The following SBF2 variants were observed in gnomAD, a reference collection of about 807,000 sequenced individuals.
The protein encoded by SBF2 is SET binding factor 2, also known as myotubularin-related protein 13.
SBF2 carries 112 observed loss-of-function variants against 225.2 expected under a neutral mutation model. That is an observed-to-expected ratio of 0.50 (90% CI 0.43 to 0.58). SBF2 has a LOEUF of 0.58. Ranked by LOEUF, SBF2 falls within the 20% of genes least tolerant of loss-of-function variation. SBF2 has a pLI of 0.00. For synonymous variants in SBF2, 763 were observed against 773.3 expected (o/e 0.99, Z 0.22); for missense variants, 1,996 against 2,206.2 (o/e 0.90, Z 1.91).
At chr11:10,265,503 GAGA>G (rs1961897070) in intron 1 of SBF2, among the ~76,000 whole-genome samples, 1 of 72,844 alleles carries the variant, frequency 1.4e-5, no homozygotes, top group African/African-American at 5.1e-5. Context: ...CGGGGGGGGG[GAGA>G]GGTGGGGGGG....
intron 2 of SBF2, among the ~76,000 whole-genome samples, chr11:10,099,719 T>A (rs1175428393): frequency 1.3e-5 from 2 of 152,064 alleles, no homozygotes; most frequent in Non-Finnish European, 2.9e-5. Context: ...GTGGGGGGAA[T>A]AAAAGTGCAG....
At chr11:9,784,532 A>G (rs561989410) in intron 37 of SBF2, 94 bp from the exon 38 acceptor site, 4 of 974,364 alleles carry the variant, frequency 4.1e-6, no homozygotes, top group Non-Finnish European at 6.5e-6. Flanking sequence ...TCAAGTCTCT[A>G]TTTCCCCTAG....
At chr11:9,941,352 C>T (rs1425049468) in intron 16 of SBF2, among the ~76,000 whole-genome samples, 1 of 151,910 alleles carries the variant, frequency 6.6e-6, no homozygotes, top group South Asian at 2.1e-4. Context: ...AAAAATTATC[C>T]CAAAGAAAAC....
chr11:10,127,648 T>G (rs940193257), intron 2 of SBF2, among the ~76,000 whole-genome samples: 6 of 152,178 alleles, frequency 3.9e-5, no homozygotes, highest in African/African-American at 1.2e-4. Context: ...TTTTTAGAAT[T>G]TTATCTATTA....
At position 9,839,540 on chromosome 11, in the gene SBF2, A is replaced by C; in HGVS notation, c.3413T>G (p.Phe1138Cys). ...GSSSRSRPEY[F>C]RITASNRMYS... is the part of the protein sequence containing the mutation. ...CATCCTGTTGGAGGCAGTAATTCTAAAATACTCGGGTCTTGAACGGGAAGA... is the reference window on the plus strand; with the variant it reads ...CATCCTGTTGGAGGCAGTAATTCTACAATACTCGGGTCTTGAACGGGAAGA... The change falls in exon 26 of 40, where the codon TTT (phenylalanine) becomes TGT (cysteine). Residue 1138 changes from phenylalanine (F) to cysteine (C), a missense_variant. Transcript: ENST00000256190. 1 of 1,614,140 alleles carries C rather than the reference A, an allele frequency of 6.2e-7. No individual in the cohort carries two copies. The highest frequency in any genetic ancestry group is 8.5e-7 in the Non-Finnish European group (1 of 1,180,016).
intron 29 of SBF2, among the ~76,000 whole-genome samples, chr11:9,813,604 G>C (rs1218797268): frequency 1.3e-5 from 2 of 152,156 alleles, no homozygotes; most frequent in Non-Finnish European, 2.9e-5. Flanking sequence ...GAGATTACAG[G>C]CGTGAGCCAC....
At position 10,299,251 on chromosome 11, in the gene SBF2, T is replaced by C. The variant is rs139675981; in HGVS notation, n.386+5241A>G. Among the ~76,000 whole-genome samples, 679 of 141,524 alleles carry C rather than the reference T, an allele frequency of 4.8e-3. 4 individuals are homozygous for C. The highest frequency in any genetic ancestry group is 0.018 in the African/African-American group (665 of 37,770). 92.8% of individuals were successfully genotyped at this position (141,524 alleles called of 152,430 possible). ...TACTCAGGAGGCTGAGGCAAAAGAA[T>C]GGCGTGAACCCAGGAGGCAGAGCTT... On this transcript the variant is annotated intron_variant and non_coding_transcript_variant, in intron 1 of 5. Transcript: ENST00000685217.
chr11:9,946,399 C>G (rs901259765), intron 16 of SBF2, among the ~76,000 whole-genome samples: 5 of 152,086 alleles, frequency 3.3e-5, no homozygotes, highest in Non-Finnish European at 7.4e-5. Flanking sequence ...GAAAAAAATG[C>G]CAAATCTACA....
chr11:9,925,339 G>A (rs569578729), intron 16 of SBF2, among the ~76,000 whole-genome samples: 6 of 151,906 alleles, frequency 3.9e-5, no homozygotes, highest in East Asian at 2.0e-4. Flanking sequence ...GCAATGGTGC[G>A]TGATCTTGGC....
intron 18 of SBF2, among the ~76,000 whole-genome samples, chr11:9,858,010 A>T (rs764051510): frequency 2.6e-5 from 4 of 152,232 alleles, no homozygotes; most frequent in Non-Finnish European, 5.9e-5. Context: ...AAAGTATATT[A>T]AAACAATCCT....
chr11:10,268,252 A>AT (rs1280098147), intron 1 of SBF2, among the ~76,000 whole-genome samples: 1 of 151,770 alleles, frequency 6.6e-6, no homozygotes, highest in Non-Finnish European at 1.5e-5. Context: ...AACTATACAG[A>AT]TTTTTTTTTC....
intron 11 of SBF2, 152 bp downstream of exon 11, chr11:9,992,838 T>C (rs1232818195): frequency 1.5e-5 from 9 of 616,608 alleles, no homozygotes; most frequent in Non-Finnish European, 2.2e-5. Context: ...TTCCATATTA[T>C]TATTAAGAAC....
chr11:9,839,448 T>G (rs780413625), intron 26 of SBF2, 50 bp downstream of exon 26: 28 of 1,567,094 alleles, frequency 1.8e-5, no homozygotes, highest in Middle Eastern at 1.7e-4. Flanking sequence ...AAGATTCAAA[T>G]AAGAAGAAAG....
intron 13 of SBF2, among the ~76,000 whole-genome samples, chr11:9,981,722 T>C (rs2134434835): frequency 6.6e-6 from 1 of 152,266 alleles, no homozygotes; most frequent in East Asian, 1.9e-4. Flanking sequence ...TTTGCAGAAG[T>C]TATTTGCTAT....
intron 1 of SBF2, among the ~76,000 whole-genome samples, chr11:10,267,950 A>G (rs1331664415): frequency 2.0e-5 from 3 of 152,206 alleles, no homozygotes; most frequent in Non-Finnish European, 4.4e-5. Flanking sequence ...TATTAACTCC[A>G]ATCTCATGTG....
At chr11:10,194,465 C>T (rs1272222038) in intron 1 of SBF2, among the ~76,000 whole-genome samples, 1 of 152,128 alleles carries the variant, frequency 6.6e-6, no homozygotes, top group Non-Finnish European at 1.5e-5. Context: ...AAATCCCCTG[C>T]AAATACCCAG....
chr11:9,890,542 T>C (rs542926253), intron 17 of SBF2, among the ~76,000 whole-genome samples: 1 of 152,298 alleles, frequency 6.6e-6, no homozygotes, highest in East Asian at 1.9e-4. Flanking sequence ...CAACTACATG[T>C]GGAGGATCTT....
chr11:10,218,449 G>A (rs1837978), intron 1 of SBF2, among the ~76,000 whole-genome samples: 2 of 151,128 alleles, frequency 1.3e-5, no homozygotes, highest in African/African-American at 2.4e-5. Flanking sequence ...ATTCCACCCC[G>A]GCCCCTCCCA....
chr11:10,195,861 T>C (rs1957338567), intron 1 of SBF2, among the ~76,000 whole-genome samples: 1 of 152,208 alleles, frequency 6.6e-6, no homozygotes, highest in Non-Finnish European at 1.5e-5. Context: ...AAGGATTTTG[T>C]TAAGAGTAAA....
Sources: allele counts gnomAD v4.1 joint callset (sites outside exome capture counted in the v4.1 genomes callset), GRCh38; gene constraint gnomAD v4.1.1; transcripts MANE v1.5; gene names NCBI Gene and HGNC (gene_info 2026-07-23, HGNC 2026-07-21).